The following POC5 variants were observed in gnomAD, a reference collection of about 807,000 sequenced individuals.
The protein encoded by POC5 is centrosomal protein POC5.
In POC5, 48 loss-of-function variants were observed where a neutral mutation model predicts 62.9. The observed-to-expected ratio is 0.76, with a 90% CI of 0.61 to 0.97. The LOEUF is 0.97. Among genes scored for constraint, POC5 ranks in the 50% least tolerant of loss-of-function variants. The pLI, the probability that POC5 is intolerant of heterozygous loss-of-function variation, is 0.00. For missense variants in POC5, 696 were observed against 679.5 expected (o/e 1.02, Z -0.27); for synonymous variants, 236 against 228.2 (o/e 1.03, Z -0.31).
At chr5:75,675,626 T>C (rs1775621139) in intron 11 of POC5, among the ~76,000 whole-genome samples, 1 of 152,236 alleles carries the variant, frequency 6.6e-6, no homozygotes, top group South Asian at 2.1e-4. Context: ...CGTTTATTTG[T>C]ACATAAACAA....
chr5:75,716,015 G>C (rs930072122), intron 1 of POC5, among the ~76,000 whole-genome samples: 1 of 152,156 alleles, frequency 6.6e-6, no homozygotes, highest in Non-Finnish European at 1.5e-5. Flanking sequence ...TCACTGGAAA[G>C]TAAAACAATT....
At chr5:75,711,971 G>A (rs1237510839) in intron 2 of POC5, among the ~76,000 whole-genome samples, 1 of 152,204 alleles carries the variant, frequency 6.6e-6, no homozygotes, top group African/African-American at 2.4e-5. Flanking sequence ...CACCTGAAGA[G>A]AGGACTACAT....
chr5:75,686,266 G>A (rs748844030), intron 9 of POC5, among the ~76,000 whole-genome samples: 21 of 152,160 alleles, frequency 1.4e-4, no homozygotes, highest in Non-Finnish European at 2.9e-4. Context: ...GCTTAAGACT[G>A]TATCTGTGTG....
At chr5:75,712,471 G>A (rs1777389731) in intron 2 of POC5, 1 of 1,589,522 alleles carries the variant, frequency 6.3e-7, no homozygotes, top group Non-Finnish European at 8.6e-7. Context: ...TAGAACACAA[G>A]GGAATCTTGA....
At chr5:75,705,493 A>G in intron 4 of POC5, 1 of 373,206 alleles carries the variant, frequency 2.7e-6, no homozygotes, top group Non-Finnish European at 4.7e-6. Context: ...AAAGGATACT[A>G]CACACTATAA....
intron 10 of POC5, among the ~76,000 whole-genome samples, chr5:75,684,942 A>G (rs1580005953): frequency 1.3e-5 from 2 of 148,500 alleles, no homozygotes; most frequent in South Asian, 2.1e-4. Context: ...ATCTCGGCTC[A>G]CTGCAAGCTC....
Position 75,694,626 on chromosome 5 carries a change from C to T in POC5, c.690+29G>A, listed in dbSNP as rs746337017. ...ATCTAGCAAGACATTTACTGAATCT[C>T]AGTTAAAAAGAAATATAAAAAAGAA... On this transcript the variant is annotated intron_variant, in intron 6 of 11. Coordinates refer to ENST00000428202, the MANE Select transcript of POC5 (RefSeq NM_001099271.2). 8 of 1,410,172 alleles carry T rather than the reference C, an allele frequency of 5.7e-6. 1 individual carries two copies. In the South Asian group the frequency reaches 1.2e-4, roughly 21 times the overall value. The allele number at this position is 1,410,172 out of a possible 1,614,324, so 87.4% of individuals were successfully genotyped here.
At chr5:75,714,128 C>T (rs1777455843) in intron 1 of POC5, among the ~76,000 whole-genome samples, 1 of 152,166 alleles carries the variant, frequency 6.6e-6, no homozygotes, top group Non-Finnish European at 1.5e-5. Flanking sequence ...GCCTGTAATC[C>T]TAGCACTTTG....
At chr5:75,703,584 C>T (rs1167876259) in intron 4 of POC5, among the ~76,000 whole-genome samples, 3 of 151,950 alleles carry the variant, frequency 2.0e-5, no homozygotes, top group Non-Finnish European at 4.4e-5. Context: ...CGAGATCGTG[C>T]CACTGCACTC....
intron 1 of POC5, among the ~76,000 whole-genome samples, chr5:75,716,902 G>A (rs1580074376): frequency 6.6e-6 from 1 of 152,164 alleles, no homozygotes; most frequent in African/African-American, 2.4e-5. Context: ...AAAGGGGCGC[G>A]CCAGCCCCTC....
intron 7 of POC5, among the ~76,000 whole-genome samples, chr5:75,691,955 C>G (rs924937403): frequency 3.4e-4 from 51 of 152,162 alleles, no homozygotes; most frequent in African/African-American, 1.1e-3. Context: ...CACTCTAAGG[C>G]AAGTCTACAT....
At position 75,717,353 on chromosome 5, in the gene POC5, G is replaced by T. The variant is rs1039051637; in HGVS notation, c.-62C>A. The stretch of plus-strand genomic sequence containing the variant: ...CCGACTCCTCGCTCTGCGCCTCTTA[G>T]CCGCGTCGCAGCTGCAGTGTCAGCA... On this transcript the variant is annotated 5_prime_UTR_variant, in exon 1 of 12. Coordinates refer to ENST00000428202, the MANE Select transcript of POC5 (RefSeq NM_001099271.2). The T allele has an allele frequency of 6.6e-6, 1 of 152,278 alleles. No homozygotes were observed. Among genetic ancestry groups the T allele is most frequent in the East Asian group, 1.9e-4 (1 of 5,192 alleles). 9.4% of individuals were successfully genotyped at this position (152,278 alleles called of 1,614,324 possible).
intron 1 of POC5, among the ~76,000 whole-genome samples, chr5:75,714,866 T>C (rs1777486107): frequency 6.6e-6 from 1 of 152,126 alleles, no homozygotes; most frequent in Admixed American, 6.5e-5. Flanking sequence ...AGCGCCGCAC[T>C]GGAGGTATAA....
intron 3 of POC5, among the ~76,000 whole-genome samples, chr5:75,706,655 C>A (rs775973748): frequency 6.6e-6 from 1 of 152,000 alleles, no homozygotes; most frequent in African/African-American, 2.4e-5. Flanking sequence ...CCTTGAACTC[C>A]TGAGCTCATG....
At chr5:75,691,339 A>C (rs768942581) in intron 7 of POC5, among the ~76,000 whole-genome samples, 8 of 152,208 alleles carry the variant, frequency 5.3e-5, no homozygotes, top group Non-Finnish European at 1.2e-4. Flanking sequence ...GAGAAATCTT[A>C]TTCCAGGATA....
At chr5:75,688,411 G>A (rs1320212664) in intron 9 of POC5, among the ~76,000 whole-genome samples, 1 of 152,142 alleles carries the variant, frequency 6.6e-6, no homozygotes, top group Non-Finnish European at 1.5e-5. Flanking sequence ...TGGGTAAATT[G>A]GTGGCAAAGG....
intron 3 of POC5, 149 bp downstream of exon 3, chr5:75,707,588 A>C (rs2307112): frequency 0.19 from 107,831 of 574,144 alleles, 10,702 homozygotes; most frequent in South Asian, 0.22. Context: ...ATATATTAAA[A>C]TGTAAAAAGC....
intron 5 of POC5, among the ~76,000 whole-genome samples, chr5:75,698,179 G>A (rs1194457395): frequency 2.2e-5 from 3 of 137,098 alleles, no homozygotes; most frequent in Admixed American, 7.3e-5. Context: ...AGTCAACAAG[G>A]ATACCCAGGA....
chr5:75,715,556 A>C (rs1012237962), intron 1 of POC5, among the ~76,000 whole-genome samples: 1 of 152,112 alleles, frequency 6.6e-6, no homozygotes, highest in Non-Finnish European at 1.5e-5. Flanking sequence ...AGCACGGGGG[A>C]AATCGCCCTT....
Sources: allele counts gnomAD v4.1 joint callset (sites outside exome capture counted in the v4.1 genomes callset), GRCh38; gene constraint gnomAD v4.1.1; transcripts MANE v1.5; gene names NCBI Gene and HGNC (gene_info 2026-07-23, HGNC 2026-07-21).